CPNE4: variants seen among roughly 807,000 people sequenced by gnomAD.
The protein encoded by CPNE4 is copine-4.
CPNE4 carries 25 observed loss-of-function variants against 67.9 expected under a neutral mutation model. The observed-to-expected ratio is 0.37, with a 90% CI of 0.27 to 0.51. The LOEUF (loss-of-function observed/expected upper bound fraction) is 0.51, where lower values mean the gene tolerates loss of function less well. CPNE4 is among the 20% of genes least tolerant of loss of function. The probability of loss-of-function intolerance (pLI) is 0.93; values close to 1 mark genes in which losing one functional copy is unlikely to be tolerated. For missense variants in CPNE4, 464 were observed against 690.8 expected, an observed-to-expected ratio of 0.67 and a Z score of 3.68; for synonymous variants, 242 against 244.9, an observed-to-expected ratio of 0.99 and a Z score of 0.11.
chr3:131,746,032 A>G (rs566539199), intron 2 of CPNE4, among the ~76,000 whole-genome samples: 1 of 152,002 alleles, frequency 6.6e-6, no homozygotes, highest in Non-Finnish European at 1.5e-5. Flanking sequence ...ATGTGTCTCT[A>G]TTTACTTAGA....
chr3:131,917,816 G>C (rs905635866), intron 1 of CPNE4, among the ~76,000 whole-genome samples: 1 of 152,188 alleles, frequency 6.6e-6, no homozygotes, highest in African/African-American at 2.4e-5. Flanking sequence ...GACATTATCA[G>C]ATGAGTAGGA....
chr3:131,654,291 G>A (rs1173076165), intron 7 of CPNE4, among the ~76,000 whole-genome samples: 1 of 151,984 alleles, frequency 6.6e-6, no homozygotes, highest in Non-Finnish European at 1.5e-5. Flanking sequence ...GTATGGGTGT[G>A]TTGTTATATA....
At chr3:131,785,069 C>T (rs2083522244) in intron 2 of CPNE4, among the ~76,000 whole-genome samples, 1 of 152,018 alleles carries the variant, frequency 6.6e-6, no homozygotes, top group Non-Finnish European at 1.5e-5. Flanking sequence ...GATATTAAGA[C>T]CTAACTCAGA....
At chr3:131,683,387 C>T (rs921745507) in intron 6 of CPNE4, among the ~76,000 whole-genome samples, 4 of 152,164 alleles carry the variant, frequency 2.6e-5, no homozygotes, top group African/African-American at 7.2e-5. Flanking sequence ...AGTAGGCTTC[C>T]TTTTGGCCCA....
chr3:131,696,421 A>C, intron 5 of CPNE4, 121 bp downstream of exon 5: 1 of 849,502 alleles, frequency 1.2e-6, no homozygotes, highest in Non-Finnish European at 1.9e-6. Context: ...GACCTCTCTG[A>C]ATTTTTGGAT....
rs1938270516 is a variant in CPNE4 at position 131,587,599 on chromosome 3, T to A, written c.682-17A>T. On this transcript the variant is annotated splice_polypyrimidine_tract_variant and intron_variant, in intron 7 of 15. Transcript: ENST00000429747. ...TACTATGCACTGTAAGAGAAAACAA[T>A]GATCTTTCTTAAAAAATTAAGAATG... The A allele has an allele frequency of 1.3e-6, 2 of 1,568,100 alleles. No homozygotes were observed. Among genetic ancestry groups the A allele is most frequent in the Non-Finnish European group, 1.8e-6 (2 of 1,140,642 alleles).
chr3:131,796,345 G>C (rs2083917639), intron 2 of CPNE4, among the ~76,000 whole-genome samples: 1 of 152,122 alleles, frequency 6.6e-6, no homozygotes, highest in African/African-American at 2.4e-5. Flanking sequence ...ACTTGCTGTT[G>C]AATTGAATCT....
At chr3:131,892,256 G>A (rs768514403) in intron 2 of CPNE4, among the ~76,000 whole-genome samples, 3 of 152,112 alleles carry the variant, frequency 2.0e-5, no homozygotes, top group Admixed American at 6.6e-5. Flanking sequence ...CACCAATGTG[G>A]AAGCCAGCTT....
intron 2 of CPNE4, among the ~76,000 whole-genome samples, chr3:131,794,618 T>C (rs1382665220): frequency 6.6e-6 from 1 of 152,216 alleles, no homozygotes; most frequent in African/African-American, 2.4e-5. Flanking sequence ...AACTTAGATA[T>C]CCAAGCCCAA....
At chr3:131,659,529 A>C (rs564213934) in intron 7 of CPNE4, among the ~76,000 whole-genome samples, 9 of 152,354 alleles carry the variant, frequency 5.9e-5, no homozygotes, top group African/African-American at 2.2e-4. Flanking sequence ...AGACCTCATC[A>C]GGGCACTGAA....
intron 1 of CPNE4, among the ~76,000 whole-genome samples, chr3:132,031,994 T>A (rs1431945173): frequency 6.6e-6 from 1 of 152,200 alleles, no homozygotes. Flanking sequence ...GAGGTATTTT[T>A]AATTAGAAAT....
chr3:131,721,483 C>A (rs192307558), intron 3 of CPNE4, among the ~76,000 whole-genome samples: 9 of 151,384 alleles, frequency 5.9e-5, no homozygotes, highest in Non-Finnish European at 1.0e-4. Context: ...GCAAGCTCCG[C>A]CTTCCGGGTT....
chr3:131,591,225 A>G (rs1938507934), intron 7 of CPNE4, among the ~76,000 whole-genome samples: 1 of 152,200 alleles, frequency 6.6e-6, no homozygotes, highest in African/African-American at 2.4e-5. Context: ...ACTTTGCCTG[A>G]TAGTAAGTAC....
At chr3:131,906,329 T>C (rs1210171307) in intron 1 of CPNE4, among the ~76,000 whole-genome samples, 1 of 151,948 alleles carries the variant, frequency 6.6e-6, no homozygotes, top group Non-Finnish European at 1.5e-5. Context: ...TGTATACATG[T>C]GCCATGCCGC....
At chr3:132,013,750 A>G (rs552536633) in intron 1 of CPNE4, among the ~76,000 whole-genome samples, 29 of 152,296 alleles carry the variant, frequency 1.9e-4, no homozygotes, top group African/African-American at 7.0e-4. Context: ...ACAACAACCT[A>G]TGAGCTGGGA....
At chr3:131,707,652 T>A (rs2081447416) in intron 3 of CPNE4, among the ~76,000 whole-genome samples, 1 of 152,192 alleles carries the variant, frequency 6.6e-6, no homozygotes, top group Non-Finnish European at 1.5e-5. Context: ...TAAACTCTCC[T>A]GTCTCTGATA....
chr3:132,036,101 C>A (rs1407558096), upstream of CPNE4, among the ~76,000 whole-genome samples: 2 of 152,162 alleles, frequency 1.3e-5, no homozygotes, highest in African/African-American at 4.8e-5. Flanking sequence ...AACAAAGGGA[C>A]AACCTTCTGA....
chr3:131,945,941 A>C (rs2071540036), intron 1 of CPNE4, among the ~76,000 whole-genome samples: 1 of 152,204 alleles, frequency 6.6e-6, no homozygotes, highest in African/African-American at 2.4e-5. Flanking sequence ...CTATGTTTTA[A>C]GAATAGACAA....
At chr3:131,913,791 G>A (rs2089077943) in intron 1 of CPNE4, among the ~76,000 whole-genome samples, 2 of 152,184 alleles carry the variant, frequency 1.3e-5, no homozygotes, top group African/African-American at 4.8e-5. Context: ...TTTACTTGTT[G>A]TGTGACCTTG....
Sources: allele counts gnomAD v4.1 joint callset (sites outside exome capture counted in the v4.1 genomes callset), GRCh38; gene constraint gnomAD v4.1.1; transcripts MANE v1.5; gene names NCBI Gene and HGNC (gene_info 2026-07-23, HGNC 2026-07-21).